The following SYNDIG1L variants were observed in gnomAD, a reference collection of about 807,000 sequenced individuals.
The protein encoded by SYNDIG1L is synapse differentiation inducing 1 like.
A neutral mutation model predicts 20.1 loss-of-function variants in SYNDIG1L; 13 were observed. That is an observed-to-expected ratio of 0.65 (90% confidence interval 0.42 to 1.03). The LOEUF (loss-of-function observed/expected upper bound fraction) is 1.03. Among genes scored for constraint, SYNDIG1L ranks in the 50% least tolerant of loss-of-function variants. The pLI, the probability that SYNDIG1L is intolerant of heterozygous loss-of-function variation, is 0.00. For synonymous variants in SYNDIG1L, 128 were observed against 129.3 expected, an observed-to-expected ratio of 0.99 and a Z score of 0.07; for missense variants, 294 against 305.1, an observed-to-expected ratio of 0.96 and a Z score of 0.27.
the SYNDIG1L span, among the ~76,000 whole-genome samples, chr14:74,473,467 C>G: frequency 0.16 from 24,311 of 152,120 alleles, 2,061 homozygotes; most frequent in South Asian, 0.27. Flanking sequence ...AAATAAAGAC[C>G]TAGTACATGA....
chr14:74,450,367 A>T, the SYNDIG1L span, among the ~76,000 whole-genome samples: 23 of 152,280 alleles, frequency 1.5e-4, 1 homozygote, highest in East Asian at 2.3e-3. Flanking sequence ...TAATACCAAA[A>T]TCAAACATAG....
the SYNDIG1L span, chr14:74,472,369 G>A: frequency 2.0e-5 from 3 of 152,136 alleles, no homozygotes; most frequent in African/African-American, 7.2e-5. Context: ...CATTGTTTTA[G>A]TTTTGAACAC....
At chr14:74,436,338 C>T in the SYNDIG1L span, among the ~76,000 whole-genome samples, 1 of 151,976 alleles carries the variant, frequency 6.6e-6, no homozygotes, top group Non-Finnish European at 1.5e-5. Flanking sequence ...AAGCAATCCT[C>T]CTGCCTTAGC....
chr14:74,447,313 A>G, the SYNDIG1L span, among the ~76,000 whole-genome samples: 1 of 152,136 alleles, frequency 6.6e-6, no homozygotes, highest in African/African-American at 2.4e-5. Context: ...TAGCCCCCCA[A>G]AAATTACAAA....
At chr14:74,461,829 C>T in the SYNDIG1L span, among the ~76,000 whole-genome samples, 1 of 147,954 alleles carries the variant, frequency 6.8e-6, no homozygotes, top group South Asian at 2.2e-4. Context: ...GTCTGTAATG[C>T]CAGCACTTTG....
upstream of SYNDIG1L, among the ~76,000 whole-genome samples, chr14:74,429,331 A>G (rs74063870): frequency 7.7e-3 from 1,171 of 152,204 alleles, 16 homozygotes; most frequent in African/African-American, 0.027. Flanking sequence ...GTGAAATCCA[A>G]CCCTAGAGGG....
rs764119192 is a variant in SYNDIG1L, at chr14:74,407,641, C to A, written c.611G>T (p.Arg204Leu). The A allele has an allele frequency of 1.9e-6, 3 of 1,613,656 alleles. No homozygotes were observed. The East Asian group carries it at 6.7e-5, about 36-fold the overall frequency. ...GAGTGTGGCTAGGAAGAGGGCCCGG[C>A]GGGAGGTGGTGCTGGCCAGGCGGAA... ...GDFRLASTTS[R>L]RALFLATLAI... is the part of the protein sequence containing the mutation. Residue 204 changes from arginine to leucine, a missense_variant, in exon 4 of 4, where the codon CGC becomes CTC. Arg to Leu is a moderately radical substitution (Grantham distance 102). Coordinates refer to ENST00000331628, the MANE Select transcript of SYNDIG1L (RefSeq NM_001105579.2).
intron 1 of SYNDIG1L, among the ~76,000 whole-genome samples, chr14:74,421,914 C>G (rs980910253): frequency 2.0e-5 from 3 of 152,180 alleles, no homozygotes; most frequent in Non-Finnish European, 4.4e-5. Flanking sequence ...CCCCTGCCAC[C>G]CTGGGCTCCC....
chr14:74,421,700 T>A (rs188428870), intron 1 of SYNDIG1L, among the ~76,000 whole-genome samples: 20 of 152,164 alleles, frequency 1.3e-4, no homozygotes, highest in Admixed American at 4.6e-4. Context: ...TAGGTAGTGT[T>A]CAGGGCGGGA....
At chr14:74,423,279 G>A (rs544642434) in intron 1 of SYNDIG1L, among the ~76,000 whole-genome samples, 1 of 152,308 alleles carries the variant, frequency 6.6e-6, no homozygotes, top group East Asian at 1.9e-4. Flanking sequence ...TGGGAGTGGG[G>A]TGTCCACCCA....
At chr14:74,417,320 T>C (rs990897417) in intron 1 of SYNDIG1L, among the ~76,000 whole-genome samples, 3 of 152,226 alleles carry the variant, frequency 2.0e-5, no homozygotes, top group African/African-American at 7.2e-5. Flanking sequence ...GCTGTAGGGC[T>C]GACACCTTGA....
the SYNDIG1L span, chr14:74,474,919 G>A: frequency 6.6e-6 from 1 of 152,162 alleles, no homozygotes; most frequent in African/African-American, 2.4e-5. Context: ...CAATTGCTGA[G>A]GTCTAGGCAT....
At position 74,407,455 on chromosome 14, in the gene SYNDIG1L, C is replaced by A; in HGVS notation, c.*80G>T. The A allele has an allele frequency of 6.3e-7, 1 of 1,589,450 alleles. No individual in the cohort carries two copies. Among genetic ancestry groups the A allele is most frequent in the Non-Finnish European group, 8.5e-7 (1 of 1,169,994 alleles). Reference sequence around the variant, plus strand: ...ACGGGATCATCTTCAGGGGCCGGGCCTTTCCATAGGGTCTGCAACTCCAAG... The same window carrying A: ...ACGGGATCATCTTCAGGGGCCGGGCATTTCCATAGGGTCTGCAACTCCAAG... On this transcript the variant is annotated 3_prime_UTR_variant, in exon 4 of 4. Coordinates refer to ENST00000331628, the MANE Select transcript of SYNDIG1L (RefSeq NM_001105579.2).
intron 1 of SYNDIG1L, among the ~76,000 whole-genome samples, chr14:74,418,667 C>T (rs1233263803): frequency 6.6e-6 from 1 of 152,194 alleles, no homozygotes; most frequent in Non-Finnish European, 1.5e-5. Flanking sequence ...CCATCTTTCA[C>T]CTTGCTCACT....
chr14:74,427,512 G>A (rs537676086), upstream of SYNDIG1L, among the ~76,000 whole-genome samples: 8 of 152,236 alleles, frequency 5.3e-5, no homozygotes, highest in East Asian at 1.5e-3. Context: ...CACATCATGG[G>A]GCTTGGGTCT....
At chr14:74,465,232 T>G in the SYNDIG1L span, among the ~76,000 whole-genome samples, 2 of 152,238 alleles carry the variant, frequency 1.3e-5, no homozygotes, top group Non-Finnish European at 2.9e-5. Flanking sequence ...TCTCATCACT[T>G]GGGCTAAATC....
At chr14:74,449,438 C>CGAAAAAAAAAAAA in the SYNDIG1L span, among the ~76,000 whole-genome samples, 1 of 34,000 alleles carries the variant, frequency 2.9e-5, no homozygotes, top group African/African-American at 1.2e-4. Context: ...CCTGTCTTTA[C>CGAAAAAAAAAAAA]AAAAAAAAAA....
intron 1 of SYNDIG1L, among the ~76,000 whole-genome samples, chr14:74,411,026 G>A (rs2086126604): frequency 6.6e-6 from 1 of 152,190 alleles, no homozygotes; most frequent in Non-Finnish European, 1.5e-5. Flanking sequence ...GGGTGTGGCA[G>A]GTGCAAGTGG....
the SYNDIG1L span, among the ~76,000 whole-genome samples, chr14:74,441,854 T>TA: frequency 1.3e-5 from 2 of 151,986 alleles, no homozygotes; most frequent in Admixed American, 6.6e-5. Context: ...CCTGTTTTAA[T>TA]AAAAAAAATT....
Sources: allele counts gnomAD v4.1 joint callset (sites outside exome capture counted in the v4.1 genomes callset), GRCh38; gene constraint gnomAD v4.1.1; transcripts MANE v1.5; gene names NCBI Gene and HGNC (gene_info 2026-07-23, HGNC 2026-07-21).